CAPN1: variants seen among roughly 807,000 people sequenced by gnomAD.
The protein encoded by CAPN1 is calpain-1 catalytic subunit.
A neutral mutation model predicts 105.2 loss-of-function variants in CAPN1; 77 were observed. That is an observed-to-expected ratio of 0.73 (90% CI 0.61 to 0.88). CAPN1 has a LOEUF of 0.88. CAPN1 is among the 40% of genes least tolerant of loss of function. CAPN1 has a pLI of 0.00. For synonymous variants in CAPN1, 355 were observed against 388.8 expected (o/e 0.91, Z 1.02); for missense variants, 833 against 976.6 (o/e 0.85, Z 1.96).
chr11:65,206,334 G>A, intron 12 of CAPN1, 129 bp from the exon 13 acceptor site: 1 of 701,634 alleles, frequency 1.4e-6, no homozygotes, highest in Non-Finnish European at 2.5e-6. Context: ...CACAGGCTGT[G>A]AGTGAGCCAT....
chr11:65,211,611 C>CA lies in CAPN1; in HGVS notation c.*326dup, dbSNP rs1203654810. ...AGCATCCTGATGTGTCCCCTCTCCC[C>CA]ACTTCAGAGGCCACCCACTCAGCAC... On this transcript the variant is annotated 3_prime_UTR_variant, in exon 22 of 22. Transcript: ENST00000279247. The CA allele has an allele frequency of 2.1e-6, 1 of 486,440 alleles. No individual in the cohort carries two copies. The highest frequency in any genetic ancestry group is 3.8e-6 in the Non-Finnish European group (1 of 265,430). The allele number at this position is 486,440 out of a possible 1,614,324, so 30.1% of individuals were successfully genotyped here. A position where few individuals can be genotyped will look rare whatever the true frequency, so the allele number is the denominator to read the frequency against.
chr11:65,196,106 CCT>C (rs1948789688), intron 10 of CAPN1, among the ~76,000 whole-genome samples: 1 of 151,730 alleles, frequency 6.6e-6, no homozygotes, highest in Admixed American at 6.6e-5. Context: ...TAATTTGAGT[CCT>C]CTGTCTTTTC....
chr11:65,185,515 T>C (rs1948618951), intron 4 of CAPN1, among the ~76,000 whole-genome samples: 1 of 151,692 alleles, frequency 6.6e-6, no homozygotes, highest in Non-Finnish European at 1.5e-5. Flanking sequence ...GATGCAAATC[T>C]CCCCCACAAA....
At chr11:65,198,469 C>T (rs770534512) in intron 10 of CAPN1, among the ~76,000 whole-genome samples, 38 of 152,096 alleles carry the variant, frequency 2.5e-4, no homozygotes, top group Non-Finnish European at 5.0e-4. Flanking sequence ...TTACCCTCCT[C>T]GTGAACAATG....
chr11:65,191,332 G>A (rs1049342712), intron 10 of CAPN1, among the ~76,000 whole-genome samples: 1 of 152,054 alleles, frequency 6.6e-6, no homozygotes, highest in Non-Finnish European at 1.5e-5. Context: ...AAGTGATCTT[G>A]TTGCTCATAC....
chr11:65,190,017 G>C lies in CAPN1; in HGVS notation c.1165+1271G>C, dbSNP rs990484768. Among the ~76,000 whole-genome samples, 8 of 152,294 alleles carry C rather than the reference G, an allele frequency of 5.3e-5. No individual in the cohort carries two copies. The South Asian group carries it at 1.2e-3, about 24-fold the overall frequency. ...CCTCATCGCCTCCCCACCTGCGACA[G>C]TGGCAGAACAGTCCCTGTTCATGGG... On this transcript the variant is annotated intron_variant, in intron 10 of 21. Transcript: ENST00000279247.
At chr11:65,181,613 A>G, upstream of CAPN1, 1 of 405,682 alleles carries the variant, frequency 2.5e-6, no homozygotes, top group East Asian at 1.2e-4. This position sits in a 1 kb window ranked among gnomAD's most constrained non-coding sequence, Gnocchi z 4.6. Flanking sequence ...GGTTAAAAAT[A>G]CCCCCTGCCC....
At chr11:65,184,854 CTTGT>C (rs1948609382) in intron 4 of CAPN1, among the ~76,000 whole-genome samples, 1 of 152,130 alleles carries the variant, frequency 6.6e-6, no homozygotes, top group African/African-American at 2.4e-5. Flanking sequence ...TGCCTGTGCT[CTTGT>C]TTAAGTCTTC....
intron 6 of CAPN1, 76 bp downstream of exon 6, chr11:65,186,414 C>T: frequency 1.1e-5 from 15 of 1,337,874 alleles, no homozygotes; most frequent in Admixed American, 2.3e-5. Context: ...CTAAAATCCC[C>T]ACCCAGGCTC....
Position 65,182,725 on chromosome 11 carries a change from G to T in CAPN1, c.24G>T (p.Pro8=). Residue 8 remains proline, a synonymous_variant, in exon 2 of 22, where the codon CCG becomes CCT. Coordinates refer to ENST00000279247, the MANE Select transcript of CAPN1 (RefSeq NM_005186.4). The part of the protein sequence containing the change: MSEEIIT[P]VYCTGVSAQV... ...GGATGTCGGAGGAGATCATCACGCC[G>T]GTGTACTGCACTGGGGTGTCAGCCC... The T allele has an allele frequency of 2.5e-6, 4 of 1,579,116 alleles. No homozygotes were observed. The highest frequency in any genetic ancestry group is 2.3e-5 in the East Asian group (1 of 43,108).
At chr11:65,196,479 T>C (rs1400332469) in intron 10 of CAPN1, among the ~76,000 whole-genome samples, 4 of 152,174 alleles carry the variant, frequency 2.6e-5, no homozygotes, top group African/African-American at 9.7e-5. Flanking sequence ...TTATCTTTTC[T>C]TTGTGTTGGA....
chr11:65,188,261 A>G lies in CAPN1; in HGVS notation c.930-153A>G. The G allele has an allele frequency of 1.4e-6, 1 of 731,836 alleles. No individual in the cohort carries two copies. Among genetic ancestry groups the G allele is most frequent in the Non-Finnish European group, 2.2e-6 (1 of 444,720 alleles). The allele number at this position is 731,836 out of a possible 1,614,324, so 45.3% of individuals were successfully genotyped here. On this transcript the variant is annotated intron_variant, in intron 8 of 21. Coordinates refer to ENST00000279247, the MANE Select transcript of CAPN1 (RefSeq NM_005186.4). The surrounding 1 kb of genome is among the most constrained non-coding windows in gnomAD (Gnocchi z 5.5). ...GCAGGGCATCAGACTGGCCCTGATGAGACCACCCCCTAGAAGCGGAACCTT... is the reference window on the plus strand; with the variant it reads ...GCAGGGCATCAGACTGGCCCTGATGGGACCACCCCCTAGAAGCGGAACCTT...
At position 65,206,593 on chromosome 11, in the gene CAPN1, TG is replaced by T; in HGVS notation, c.1486del (p.Val496TrpfsTer68). ...TTCCGCCTGCCACCCGGGGAGTATG[TG>T]GTGGTGCCCTCCACCTTCGAGCCCA... ...TRFRLPPGEY[V>X]VVPSTFEPNK... On this transcript the variant is annotated frameshift_variant, in exon 13 of 22. Transcript: ENST00000279247. LOFTEE classifies it high-confidence loss of function. 6.2e-7 allele frequency: 1 copy of T among 1,613,446 alleles called. No individual in the cohort carries two copies. The highest frequency in any genetic ancestry group is 8.5e-7 in the Non-Finnish European group (1 of 1,179,864).
At chr11:65,194,511 G>A (rs778566799) in intron 10 of CAPN1, among the ~76,000 whole-genome samples, 6 of 152,218 alleles carry the variant, frequency 3.9e-5, no homozygotes, top group Non-Finnish European at 7.4e-5. Context: ...ACAGCGTTGT[G>A]TAAGCATTGC....
At chr11:65,181,576 G>T, upstream of CAPN1, 1 of 413,770 alleles carries the variant, frequency 2.4e-6, no homozygotes, top group Non-Finnish European at 4.8e-6. The surrounding 1 kb of genome is among the most constrained non-coding windows in gnomAD (Gnocchi z 4.6). Context: ...GCGGCCGTCC[G>T]GCCCTGCAAC....
rs1949016562 is a variant in CAPN1 at position 65,209,797 on chromosome 11, C to T, written c.1795-52C>T. ...ATCTCCCCTTCTGCACAGTTGCCCA[C>T]TCTCCCATGACTGGTCTAAGTGATG... On this transcript the variant is annotated intron_variant, in intron 17 of 21. Coordinates refer to ENST00000279247, the MANE Select transcript of CAPN1 (RefSeq NM_005186.4). This position sits in a 1 kb window ranked among gnomAD's most constrained non-coding sequence, Gnocchi z 4.1. 3.8e-6 allele frequency: 6 copies of T among 1,576,636 alleles called. No homozygotes were observed. In the African/African-American group the frequency reaches 6.7e-5, roughly 18 times the overall value.
In CAPN1 at chr11:65,182,014, G is replaced by T; in HGVS notation, c.-2+1G>T. 6.3e-6 allele frequency: 1 copy of T among 157,648 alleles called. No homozygotes were observed. Among genetic ancestry groups the T allele is most frequent in the South Asian group, 1.6e-4 (1 of 6,112 alleles). The allele number at this position is 157,648 out of a possible 1,614,324, so 9.8% of individuals were successfully genotyped here. Reference sequence around the variant, plus strand: ...CGACCCCCAAACACCCCTCCCCCAGGTAAGAAGCTGGGTAGCCGAGCCGGG... The same window carrying T: ...CGACCCCCAAACACCCCTCCCCCAGTTAAGAAGCTGGGTAGCCGAGCCGGG... On this transcript the variant is annotated splice_donor_variant, in intron 1 of 21. Transcript: ENST00000279247. LOFTEE classifies it low-confidence loss of function (5UTR_SPLICE).
chr11:65,181,886 G>A (rs1948538598), upstream of CAPN1: 1 of 168,176 alleles, frequency 5.9e-6, no homozygotes, highest in Non-Finnish European at 1.3e-5. The surrounding 1 kb of genome is among the most constrained non-coding windows in gnomAD (Gnocchi z 4.6). Flanking sequence ...AGAGAGGGAG[G>A]GCGGAGGGCG....
chr11:65,204,913 C>A, intron 11 of CAPN1, 55 bp downstream of exon 11: 1 of 1,503,816 alleles, frequency 6.6e-7, no homozygotes, highest in Admixed American at 1.8e-5. Flanking sequence ...GACCTGGCGC[C>A]CCCGACCCGC....
Sources: gnomAD v4.1 joint callset for allele counts (sites outside exome capture counted in the v4.1 genomes callset) on GRCh38, gnomAD v4.1.1 for gene constraint, Gnocchi (gnomAD v3.1) non-coding constraint, MANE v1.5 for transcripts, NCBI Gene and HGNC (gene_info 2026-07-23, HGNC 2026-07-21) for gene names.